Variants in CBFA2T2 observed in about 807,000 individuals in gnomAD.
CBFA2T2 encodes the protein protein CBFA2T2.
Under a neutral mutation model 62.2 loss-of-function variants are expected in CBFA2T2, and 11 were observed. The observed-to-expected ratio is 0.18, with a 90% confidence interval of 0.11 to 0.29. CBFA2T2 has a LOEUF of 0.29. CBFA2T2 is among the 10% of genes least tolerant of loss of function. CBFA2T2 has a pLI of 1.00. For missense variants in CBFA2T2, 592 were observed against 774.1 expected, an observed-to-expected ratio of 0.76 and a Z score of 2.79; for synonymous variants, 295 against 287.5, an observed-to-expected ratio of 1.03 and a Z score of -0.27.
intron 1 of CBFA2T2, among the ~76,000 whole-genome samples, chr20:33,597,308 C>T (rs973596592): frequency 1.3e-4 from 19 of 151,970 alleles, no homozygotes; most frequent in African/African-American, 3.6e-4. Flanking sequence ...AGTAGTTACT[C>T]GAATAATTTT....
chr20:33,537,511 G>A (rs1170185449), intron 1 of CBFA2T2, among the ~76,000 whole-genome samples: 1 of 152,182 alleles, frequency 6.6e-6, no homozygotes, highest in African/African-American at 2.4e-5. Flanking sequence ...GGGCCGTGGT[G>A]AGAGTGAGAG....
Position 33,644,427 on chromosome 20 carries a change from G to A in CBFA2T2, c.1569G>A (p.Gln523=). Residue 523 remains glutamine, a synonymous_variant, in exon 11 of 11, where the codon CAG becomes CAA. Coordinates refer to ENST00000342704, the MANE Select transcript of CBFA2T2 (RefSeq NM_001032999.3). ...NIARYCGSFC[Q]HKDWERHHRL... is the part of the protein sequence containing the mutation. ...CGCGATACTGTGGCTCTTTCTGCCAGCACAAGGACTGGGAGCGGCACCACC... is the reference window on the plus strand; with the variant it reads ...CGCGATACTGTGGCTCTTTCTGCCAACACAAGGACTGGGAGCGGCACCACC... 1 of 1,614,248 alleles carries A rather than the reference G, an allele frequency of 6.2e-7. No individual in the cohort carries two copies. The highest frequency in any genetic ancestry group is 8.5e-7 in the Non-Finnish European group (1 of 1,180,046).
intron 3 of CBFA2T2, among the ~76,000 whole-genome samples, chr20:33,619,248 G>C (rs529778180): frequency 6.6e-6 from 1 of 151,914 alleles, no homozygotes; most frequent in Non-Finnish European, 1.5e-5. Flanking sequence ...GACCGGGCGC[G>C]GTGGCTCTCC....
chr20:33,502,419 G>A (rs1326217564), intron 1 of CBFA2T2, among the ~76,000 whole-genome samples: 1 of 146,188 alleles, frequency 6.8e-6, no homozygotes, highest in African/African-American at 2.5e-5. Flanking sequence ...CTTTTTTTTC[G>A]TGTGTGTGAC....
At chr20:33,503,032 A>G (rs1196254025) in intron 1 of CBFA2T2, among the ~76,000 whole-genome samples, 1 of 128,052 alleles carries the variant, frequency 7.8e-6, no homozygotes, top group East Asian at 2.8e-4. Flanking sequence ...CGGAGCTTGC[A>G]GTGAGCTGAG....
chr20:33,567,942 G>T (rs1363034398), intron 1 of CBFA2T2, among the ~76,000 whole-genome samples: 1 of 152,156 alleles, frequency 6.6e-6, no homozygotes, highest in African/African-American at 2.4e-5. Context: ...TATATATAGG[G>T]TTTGGTACTG....
At chr20:33,527,757 T>C (rs1375372074) in intron 1 of CBFA2T2, among the ~76,000 whole-genome samples, 2 of 152,146 alleles carry the variant, frequency 1.3e-5, no homozygotes, top group Non-Finnish European at 2.9e-5. Flanking sequence ...TTAACCAGTT[T>C]AGTCTCGAAT....
At chr20:33,602,271 T>G (rs1458230536) in intron 1 of CBFA2T2, among the ~76,000 whole-genome samples, 2 of 151,678 alleles carry the variant, frequency 1.3e-5, no homozygotes. Flanking sequence ...AACTAGGGAG[T>G]GATGGAGCAT....
chr20:33,519,413 T>G (rs953778430), intron 1 of CBFA2T2, among the ~76,000 whole-genome samples: 4 of 152,136 alleles, frequency 2.6e-5, no homozygotes, highest in Non-Finnish European at 5.9e-5. Context: ...GTGGTTGCAA[T>G]GAGTCGAGAT....
At chr20:33,598,669 A>C (rs1304005888) in intron 1 of CBFA2T2, among the ~76,000 whole-genome samples, 1 of 152,210 alleles carries the variant, frequency 6.6e-6, no homozygotes, top group Non-Finnish European at 1.5e-5. Flanking sequence ...CAGGATTAAG[A>C]GATTAAAGTA....
At chr20:33,640,556 T>C (rs2016794182) in intron 10 of CBFA2T2, 25 bp downstream of exon 10, 3 of 1,611,148 alleles carry the variant, frequency 1.9e-6, no homozygotes, top group Admixed American at 1.7e-5. Context: ...CCCTGGGGGC[T>C]GGGGTGAGCA....
chr20:33,517,689 CTTT>C (rs34816419), intron 1 of CBFA2T2, among the ~76,000 whole-genome samples: 43 of 135,370 alleles, frequency 3.2e-4, no homozygotes, highest in Non-Finnish European at 3.5e-4. Flanking sequence ...TATATTTTGC[CTTT>C]TTTTTTTTTT....
intron 1 of CBFA2T2, among the ~76,000 whole-genome samples, chr20:33,539,802 T>C (rs1257800157): frequency 6.6e-6 from 1 of 151,338 alleles, no homozygotes. Flanking sequence ...TCCTCCCACC[T>C]CAGCATCCTG....
At chr20:33,608,674 C>A (rs1461058239) in intron 2 of CBFA2T2, among the ~76,000 whole-genome samples, 1 of 152,078 alleles carries the variant, frequency 6.6e-6, no homozygotes, top group Non-Finnish European at 1.5e-5. Flanking sequence ...CAAGATACAC[C>A]AATAGGTATA....
chr20:33,637,818 C>T (rs192534831), intron 9 of CBFA2T2, among the ~76,000 whole-genome samples: 2 of 152,080 alleles, frequency 1.3e-5, no homozygotes, highest in Admixed American at 6.5e-5. Flanking sequence ...CAGGCATGCA[C>T]CACCACGCCT....
intron 1 of CBFA2T2, among the ~76,000 whole-genome samples, chr20:33,523,514 A>T (rs947811301): frequency 6.6e-5 from 10 of 152,204 alleles, no homozygotes; most frequent in African/African-American, 2.2e-4. Flanking sequence ...TGGGGTTCTT[A>T]TCTAGATGAG....
intron 1 of CBFA2T2, among the ~76,000 whole-genome samples, chr20:33,497,362 T>C (rs6057862): frequency 0.97 from 144,640 of 149,738 alleles, 70,068 homozygotes; most frequent in South Asian, 1. Context: ...TCCCTTTGGT[T>C]GTTGGGCCTA....
intron 1 of CBFA2T2, among the ~76,000 whole-genome samples, chr20:33,592,066 G>GA (rs542167654): frequency 4.0e-4 from 61 of 152,010 alleles, no homozygotes; most frequent in African/African-American, 1.3e-3. Context: ...TGATGAACAT[G>GA]AAAAAAACGA....
intron 1 of CBFA2T2, among the ~76,000 whole-genome samples, chr20:33,492,027 C>T (rs763562143): frequency 6.6e-6 from 1 of 151,954 alleles, no homozygotes; most frequent in Non-Finnish European, 1.5e-5. Flanking sequence ...CGATTACAGG[C>T]GCCTGCCACC....
Sources: allele counts gnomAD v4.1 joint callset (sites outside exome capture counted in the v4.1 genomes callset), GRCh38; gene constraint gnomAD v4.1.1; transcripts MANE v1.5; gene names NCBI Gene and HGNC (gene_info 2026-07-23, HGNC 2026-07-21).